Variants in SHTN1 observed in about 807,000 individuals in gnomAD.
SHTN1 encodes the protein shootin 1, also known as shootin-1.
A neutral mutation model predicts 83.1 loss-of-function variants in SHTN1; 42 were observed. The ratio of observed to expected loss-of-function variants is 0.51; its 90% CI spans 0.39 to 0.65. The LOEUF is 0.65. Ranked by LOEUF, SHTN1 falls within the 30% of genes least tolerant of loss-of-function variation. The pLI, the probability that SHTN1 is intolerant of heterozygous loss-of-function variation, is 0.00. For synonymous variants in SHTN1, 224 were observed against 247.7 expected (o/e 0.90, Z 0.90); for missense variants, 622 against 737.8 (o/e 0.84, Z 1.82).
intron 1 of SHTN1, among the ~76,000 whole-genome samples, chr10:117,086,181 G>A (rs1041332832): frequency 2.6e-4 from 40 of 152,146 alleles, no homozygotes; most frequent in African/African-American, 9.2e-4. Context: ...GCCTCCCAAA[G>A]TGCTGGGATT....
At chr10:116,957,887 C>G (rs1286201320) in intron 4 of SHTN1, among the ~76,000 whole-genome samples, 2 of 152,084 alleles carry the variant, frequency 1.3e-5, no homozygotes, top group African/African-American at 2.4e-5. Flanking sequence ...CAGTGAAACA[C>G]TGTCTCTACT....
At chr10:116,979,026 G>A (rs1850913865) in intron 2 of SHTN1, among the ~76,000 whole-genome samples, 1 of 152,226 alleles carries the variant, frequency 6.6e-6, no homozygotes, top group South Asian at 2.1e-4. Flanking sequence ...ATTTAGCCAT[G>A]TAGTTAATCT....
intron 2 of SHTN1, among the ~76,000 whole-genome samples, chr10:117,028,434 A>G (rs944211122): frequency 2.0e-5 from 3 of 152,194 alleles, no homozygotes; most frequent in African/African-American, 7.2e-5. Context: ...AAAGGAGCCA[A>G]GTGCTAGCAG....
At chr10:117,057,316 G>A (rs894351773) in intron 1 of SHTN1, among the ~76,000 whole-genome samples, 1 of 152,138 alleles carries the variant, frequency 6.6e-6, no homozygotes, top group African/African-American at 2.4e-5. Context: ...CAAGCCACCT[G>A]GTAAGCAGCT....
intron 1 of SHTN1, among the ~76,000 whole-genome samples, chr10:117,082,944 G>A (rs910388767): frequency 4.0e-5 from 6 of 150,916 alleles, no homozygotes; most frequent in Admixed American, 3.3e-4. Context: ...CACGTGAGAT[G>A]GGTTTCCTGA....
chr10:116,902,224 G>C (rs975709177), intron 15 of SHTN1, among the ~76,000 whole-genome samples: 1 of 152,152 alleles, frequency 6.6e-6, no homozygotes, highest in Non-Finnish European at 1.5e-5. Context: ...TCACTGACCA[G>C]GGTCCTTCGT....
chr10:117,067,089 A>G (rs935247163), intron 1 of SHTN1, among the ~76,000 whole-genome samples: 20 of 152,228 alleles, frequency 1.3e-4, no homozygotes, highest in African/African-American at 4.8e-4. Flanking sequence ...AAGGGGCAAC[A>G]TATACATATG....
intron 16 of SHTN1, among the ~76,000 whole-genome samples, chr10:116,896,595 A>G (rs184660810): frequency 3.3e-5 from 5 of 152,304 alleles, no homozygotes; most frequent in Admixed American, 6.5e-5. Context: ...TTCAAAAGCT[A>G]AAGTCATTTG....
At chr10:116,980,070 GA>G (rs72390870) in intron 1 of SHTN1, among the ~76,000 whole-genome samples, 138 of 144,964 alleles carry the variant, frequency 9.5e-4, no homozygotes, top group African/African-American at 2.9e-3. Context: ...CCCCTGCCCA[GA>G]AAAAAAAAAC....
chr10:117,082,795 CTTCT>C (rs1336349293), intron 1 of SHTN1, among the ~76,000 whole-genome samples: 4 of 151,638 alleles, frequency 2.6e-5, no homozygotes, highest in African/African-American at 7.3e-5. Context: ...ATGTAATGGC[CTTCT>C]TTGTCTCTTT....
chr10:117,120,786 T>C (rs887656701), intron 1 of SHTN1, among the ~76,000 whole-genome samples: 3 of 150,476 alleles, frequency 2.0e-5, no homozygotes, highest in African/African-American at 7.3e-5. Context: ...TTTCAGGTGA[T>C]AGATATCCCA....
At chr10:117,078,204 TAA>T (rs1186727065) in intron 1 of SHTN1, among the ~76,000 whole-genome samples, 2 of 152,258 alleles carry the variant, frequency 1.3e-5, no homozygotes, top group African/African-American at 2.4e-5. Context: ...TGAAGAACTA[TAA>T]GAGAAGGTGA....
chr10:117,010,140 C>A, upstream of SHTN1, among the ~76,000 whole-genome samples: 1 of 151,488 alleles, frequency 6.6e-6, no homozygotes, highest in African/African-American at 2.4e-5. Flanking sequence ...TAATAAAAAG[C>A]TATTTCTTTG....
intron 2 of SHTN1, among the ~76,000 whole-genome samples, chr10:117,013,077 T>C (rs1208450662): frequency 1.3e-5 from 2 of 152,002 alleles, no homozygotes; most frequent in African/African-American, 4.8e-5. Context: ...CTCTAAAAAC[T>C]ATATAAATTT....
intron 1 of SHTN1, among the ~76,000 whole-genome samples, chr10:116,996,996 C>T (rs1322455264): frequency 6.6e-5 from 10 of 152,188 alleles, no homozygotes; most frequent in Non-Finnish European, 1.3e-4. Flanking sequence ...GAAAGACCTT[C>T]GAGCTAAAGA....
chr10:117,054,982 T>G (rs1373741694), intron 1 of SHTN1, among the ~76,000 whole-genome samples: 1 of 152,210 alleles, frequency 6.6e-6, no homozygotes, highest in African/African-American at 2.4e-5. Context: ...GAGTAATTTA[T>G]GAGGAAAAGA....
intron 1 of SHTN1, among the ~76,000 whole-genome samples, chr10:117,120,559 T>C (rs1853908477): frequency 6.6e-6 from 1 of 152,062 alleles, no homozygotes; most frequent in Non-Finnish European, 1.5e-5. Flanking sequence ...CATGATGTGA[T>C]TTTTACATAT....
chr10:116,965,532 C>T (rs1451327819), intron 3 of SHTN1, among the ~76,000 whole-genome samples: 1 of 152,028 alleles, frequency 6.6e-6, no homozygotes, highest in Non-Finnish European at 1.5e-5. Flanking sequence ...AAGATGTAGG[C>T]CTAGTAGGTT....
intron 1 of SHTN1, among the ~76,000 whole-genome samples, chr10:117,076,757 A>T (rs2133607441): frequency 6.6e-6 from 1 of 152,360 alleles, no homozygotes; most frequent in South Asian, 2.1e-4. Flanking sequence ...ACTTTTAGAA[A>T]GAGAACCGGA....
Sources: gnomAD v4.1 joint callset for allele counts (sites outside exome capture counted in the v4.1 genomes callset) on GRCh38, gnomAD v4.1.1 for gene constraint, MANE v1.5 for transcripts, NCBI Gene and HGNC (gene_info 2026-07-23, HGNC 2026-07-21) for gene names.